BRD4: variants seen among roughly 807,000 people sequenced by gnomAD.
BRD4 encodes the protein bromodomain-containing protein 4.
A neutral mutation model predicts 142.1 loss-of-function variants in BRD4; 16 were observed. That is an observed-to-expected ratio of 0.11 (90% CI 0.08 to 0.17). The LOEUF is 0.17. BRD4 is among the 10% of genes least tolerant of loss of function. The probability of loss-of-function intolerance (pLI) is 1.00; values close to 1 mark genes in which losing one functional copy is unlikely to be tolerated. For synonymous variants in BRD4, 833 were observed against 707.5 expected (o/e 1.18, Z -2.82); for missense variants, 1,424 against 1,810.9 (o/e 0.79, Z 3.88).
chr19:15,303,220 A>C lies in BRD4; in HGVS notation c.-35+29070T>G, dbSNP rs183265394. ...TCCAGCTCAAAGTAGGGGAAAGTTAATACATAGCTATTCAAGAGTGTTTAT... is the reference window on the plus strand; with the variant it reads ...TCCAGCTCAAAGTAGGGGAAAGTTACTACATAGCTATTCAAGAGTGTTTAT... On this transcript the variant is annotated intron_variant, in intron 1 of 19. Transcript: ENST00000679869. Among the ~76,000 whole-genome samples the C allele has an allele frequency of 2.2e-3, 341 of 152,278 alleles. 1 individual carries two copies. Among genetic ancestry groups the C allele is most frequent in the African/African-American group, 7.9e-3 (328 of 41,552 alleles).
intron 1 of BRD4, among the ~76,000 whole-genome samples, chr19:15,297,946 C>T (rs1263388061): frequency 2.0e-5 from 3 of 152,152 alleles, no homozygotes; most frequent in Non-Finnish European, 2.9e-5. Context: ...ATCCTGCCTG[C>T]AAGATGAAAG....
chr19:15,317,119 G>A (rs1159134994), intron 1 of BRD4, among the ~76,000 whole-genome samples: 3 of 152,214 alleles, frequency 2.0e-5, no homozygotes, highest in Non-Finnish European at 4.4e-5. Flanking sequence ...CTGGACACAA[G>A]TGCTCCAAGT....
chr19:15,318,999 T>C (rs1380424649), intron 1 of BRD4, among the ~76,000 whole-genome samples: 4 of 152,150 alleles, frequency 2.6e-5, no homozygotes, highest in African/African-American at 9.7e-5. Context: ...CCACCCTGTT[T>C]CCAAGTCATA....
At position 15,254,167 on chromosome 19, in the gene BRD4, C is replaced by T. The variant is rs770042423; in HGVS notation, c.2143G>A (p.Glu715Lys). 1.9e-6 allele frequency: 3 copies of T among 1,614,128 alleles called. No homozygotes were observed. Among genetic ancestry groups the T allele is most frequent in the Non-Finnish European group, 2.5e-6 (3 of 1,179,946 alleles). The change falls in exon 11 of 20, where the codon GAA becomes AAA. Residue 715 changes from glutamate (E) to lysine (K), a missense_variant. Glu to Lys is a moderately conservative substitution (Grantham distance 56, BLOSUM62 1). Around this residue, in one of 16 missense-constraint regions of BRD4, gnomAD observed 598 missense variants for 647.8 expected, o/e 0.92. Transcript: ENST00000679869. ...GTCACCTAACCTGTTTCGGAGTCTT[C>T]GCTGTCAGAGGAGCTGGACTCACTG... is the stretch of plus-strand genomic sequence containing the variant. Reference protein sequence around the residue: ...SSSESSSSDSEDSETEMAPKS... With the variant: ...SSSESSSSDSKDSETEMAPKS...
chr19:15,329,739 A>C (rs1051355479), intron 1 of BRD4, among the ~76,000 whole-genome samples: 6 of 152,146 alleles, frequency 3.9e-5, no homozygotes, highest in Admixed American at 3.3e-4. Context: ...ACTCTCTCAA[A>C]AAAATAAAAA....
At chr19:15,249,325 A>C in intron 11 of BRD4, 4 of 1,613,822 alleles carry the variant, frequency 2.5e-6, no homozygotes, top group Non-Finnish European at 3.4e-6. Flanking sequence ...GTGTGAGAGA[A>C]ATGGTGTGGA....
intron 2 of BRD4, 72 bp downstream of exon 2, chr19:15,272,743 C>G: frequency 6.9e-7 from 1 of 1,447,776 alleles, no homozygotes; most frequent in Non-Finnish European, 9.4e-7. Flanking sequence ...CCCCCAGGAA[C>G]TGCCCTGACC....
chr19:15,293,885 T>G (rs151008837), intron 1 of BRD4, among the ~76,000 whole-genome samples: 1 of 152,222 alleles, frequency 6.6e-6, no homozygotes, highest in Non-Finnish European at 1.5e-5. Context: ...CTCATGTAAG[T>G]TGAATCACAA....
In BRD4 at chr19:15,250,849, C is replaced by A. The variant is rs191518375; in HGVS notation, c.2158+3303G>T. ...AACCCCAGTGCTAATGACAGCAAAG[C>A]CACAGTACTGTCCACAGCCCACCTG... On this transcript the variant is annotated intron_variant, in intron 11 of 19. Transcript: ENST00000679869. 3.9e-5 allele frequency among the ~76,000 whole-genome samples: 6 copies of A among 152,324 alleles called. No individual in the cohort carries two copies. The East Asian group carries it at 1.2e-3, about 29-fold the overall frequency.
rs753702759 is a variant in BRD4, at chr19:15,244,661, G to A, written c.2211+49C>T. On this transcript the variant is annotated intron_variant, in intron 12 of 19. Coordinates refer to ENST00000679869, the MANE Select transcript of BRD4 (RefSeq NM_001379291.1). Reference sequence around the variant, plus strand: ...TGTCAGGCAGGCAGAACTGGCCCGGGCCAGACCCAACGTCCCACCTAATGA... The same window carrying A: ...TGTCAGGCAGGCAGAACTGGCCCGGACCAGACCCAACGTCCCACCTAATGA... 29 of 1,614,050 alleles carry A rather than the reference G, an allele frequency of 1.8e-5. No individual in the cohort carries two copies. In the Admixed American group the frequency reaches 4.7e-4, roughly 26 times the overall value.
chr19:15,291,217 T>G (rs1292099280), intron 1 of BRD4, among the ~76,000 whole-genome samples: 1 of 152,180 alleles, frequency 6.6e-6, no homozygotes, highest in Non-Finnish European at 1.5e-5. Flanking sequence ...CAGCTCCTAG[T>G]TGAGGCTAGC....
Position 15,239,075 on chromosome 19 carries a change from G to T in BRD4, c.3766C>A (p.Arg1256=). 1 of 1,597,092 alleles carries T rather than the reference G, an allele frequency of 6.3e-7. No homozygotes were observed. Residue 1256 remains arginine, a synonymous_variant, in exon 18 of 20, where the codon CGG becomes AGG. Coordinates refer to ENST00000679869, the MANE Select transcript of BRD4 (RefSeq NM_001379291.1). This position sits in a 1 kb window ranked among gnomAD's most constrained non-coding sequence, Gnocchi z 7.4. ...EHAEKEKERL[R]QERMRSREDE... Reference sequence around the variant, plus strand: ...CCCGCCCACCTCATGCGCTCCTGCCGCAGCCGCTCCTTCTCCTTCTCAGCG... The same window carrying T: ...CCCGCCCACCTCATGCGCTCCTGCCTCAGCCGCTCCTTCTCCTTCTCAGCG...
rs2145600456 is a variant in BRD4, at chr19:15,264,721, T to A, written c.895A>T (p.Thr299Ser). ...GGTGGCTCGTGAATGGGGTCAATGG[T>A]GGTGGGGGTGGTGGTGTCTGCTTTC... is the stretch of plus-strand genomic sequence containing the variant. ...KRKADTTTPT[T>S]IDPIHEPPSL... Residue 299 changes from threonine to serine, a missense_variant, in exon 6 of 20, where the codon ACC (threonine) becomes TCC (serine). Around this residue, in one of 16 missense-constraint regions of BRD4, gnomAD observed 86 missense variants for 79.9 expected, o/e 1.08. Transcript: ENST00000679869. The A allele has an allele frequency of 6.2e-7, 1 of 1,611,360 alleles. No homozygotes were observed. The highest frequency in any genetic ancestry group is 8.5e-7 in the Non-Finnish European group (1 of 1,178,990).
Position 15,244,803 on chromosome 19 carries a change from A to T in BRD4, c.2159-41T>A, listed in dbSNP as rs145953897. The stretch of plus-strand genomic sequence containing the variant: ...GAAGGTAGTGAGGCTCTGGGGGAGA[A>T]GGTGAGTGAGCTGGCCTTGGATGAA... On this transcript the variant is annotated intron_variant, in intron 11 of 19. Coordinates refer to ENST00000679869, the MANE Select transcript of BRD4 (RefSeq NM_001379291.1). 4.1e-4 allele frequency: 657 copies of T among 1,613,748 alleles called. 1 individual carries two copies. The highest frequency in any genetic ancestry group is 5.0e-4 in the Middle Eastern group (3 of 6,050).
At chr19:15,240,713 C>A (rs1331507529) in intron 14 of BRD4, among the ~76,000 whole-genome samples, 1 of 152,228 alleles carries the variant, frequency 6.6e-6, no homozygotes, top group Non-Finnish European at 1.5e-5. Flanking sequence ...CTACTGGGCC[C>A]TCAATCACAG....
intron 14 of BRD4, among the ~76,000 whole-genome samples, chr19:15,242,099 C>T (rs1430943075): frequency 6.6e-6 from 1 of 152,172 alleles, no homozygotes; most frequent in Non-Finnish European, 1.5e-5. Context: ...CAGGCGTGAG[C>T]CACCGCGCCC....
chr19:15,305,623 G>A (rs935748026), intron 1 of BRD4, among the ~76,000 whole-genome samples: 4 of 152,224 alleles, frequency 2.6e-5, no homozygotes, highest in South Asian at 2.1e-4. Flanking sequence ...AGGCAGAGTA[G>A]ATTTAGCATA....
chr19:15,247,237 G>A (rs1021055015), intron 11 of BRD4: 3 of 231,480 alleles, frequency 1.3e-5, no homozygotes, highest in African/African-American at 4.4e-5. Flanking sequence ...CAGGGCAGAG[G>A]AGAGGAGTCC....
intron 2 of BRD4, among the ~76,000 whole-genome samples, chr19:15,269,327 T>G (rs2047564173): frequency 6.6e-6 from 1 of 152,244 alleles, no homozygotes; most frequent in South Asian, 2.1e-4. Flanking sequence ...GCACATTTTT[T>G]CTTTTTATGG....
Sources: allele counts gnomAD v4.1 joint callset (sites outside exome capture counted in the v4.1 genomes callset), GRCh38; gene constraint gnomAD v4.1.1; regional missense constraint gnomAD v4.1.1; non-coding constraint Gnocchi (gnomAD v3.1); transcripts MANE v1.5; gene names NCBI Gene and HGNC (gene_info 2026-07-23, HGNC 2026-07-21).